The following CNTN5 variants were observed in gnomAD, a reference collection of about 807,000 sequenced individuals.
The protein encoded by CNTN5 is contactin-5.
In CNTN5, 77 loss-of-function variants were observed where a neutral mutation model predicts 129.1. That is an observed-to-expected ratio of 0.60 (90% CI 0.50 to 0.72). The LOEUF (loss-of-function observed/expected upper bound fraction) is 0.72. Among genes scored for constraint, CNTN5 ranks in the 30% least tolerant of loss-of-function variants. The pLI is 0.00. For synonymous variants in CNTN5, 509 were observed against 465.6 expected (o/e 1.09, Z -1.20); for missense variants, 1,478 against 1,328.8 (o/e 1.11, Z -1.75).
intron 3 of CNTN5, among the ~76,000 whole-genome samples, chr11:99,685,451 G>A (rs1053671349): frequency 6.6e-6 from 1 of 151,790 alleles, no homozygotes; most frequent in Non-Finnish European, 1.5e-5. Context: ...CATTAAGAGA[G>A]AAAGTAAAAA....
intron 3 of CNTN5, among the ~76,000 whole-genome samples, chr11:99,649,114 A>C (rs1281140754): frequency 6.6e-6 from 1 of 151,800 alleles, no homozygotes; most frequent in East Asian, 1.9e-4. Context: ...AGTTGTGCTA[A>C]TTACTATACA....
intron 6 of CNTN5, among the ~76,000 whole-genome samples, chr11:99,860,063 T>G (rs1373166897): frequency 2.0e-5 from 3 of 152,190 alleles, no homozygotes; most frequent in Admixed American, 6.5e-5. Context: ...GGTATTTCAT[T>G]GTGATTTTGA....
intron 1 of CNTN5, among the ~76,000 whole-genome samples, chr11:99,306,762 ATAATAATAAT>A (rs1864895536): frequency 6.7e-6 from 1 of 149,238 alleles, no homozygotes; most frequent in Non-Finnish European, 1.5e-5. Flanking sequence ...AATAATAATA[ATAATAATAAT>A]AATAATAATA....
intron 15 of CNTN5, among the ~76,000 whole-genome samples, chr11:100,199,085 C>A (rs1948715241): frequency 6.6e-6 from 1 of 151,872 alleles, no homozygotes; most frequent in Non-Finnish European, 1.5e-5. Flanking sequence ...GGGTATACTG[C>A]CAGTTTACTA....
intron 21 of CNTN5, among the ~76,000 whole-genome samples, chr11:100,324,928 G>A (rs190770213): frequency 6.6e-6 from 1 of 152,062 alleles, no homozygotes; most frequent in African/African-American, 2.4e-5. Context: ...AATTACCTCT[G>A]GGCACAAAGT....
chr11:100,004,867 G>A (rs999957659), intron 9 of CNTN5, among the ~76,000 whole-genome samples: 3 of 152,156 alleles, frequency 2.0e-5, no homozygotes. Context: ...GAAAGGATTA[G>A]GAAATTTATA....
intron 1 of CNTN5, among the ~76,000 whole-genome samples, chr11:99,184,098 T>C (rs1858220881): frequency 6.6e-6 from 1 of 152,144 alleles, no homozygotes; most frequent in Non-Finnish European, 1.5e-5. Context: ...ACTGTTTTCC[T>C]AATCTCAATT....
chr11:100,130,942 A>G (rs917747600), intron 13 of CNTN5, among the ~76,000 whole-genome samples: 7 of 152,088 alleles, frequency 4.6e-5, no homozygotes, highest in African/African-American at 1.4e-4. Flanking sequence ...CCAATAAACA[A>G]TGGCTTTTCA....
At chr11:100,313,994 A>C (rs1215168969) in intron 21 of CNTN5, among the ~76,000 whole-genome samples, 2 of 152,112 alleles carry the variant, frequency 1.3e-5, no homozygotes, top group Admixed American at 6.6e-5. Flanking sequence ...CAAATAAATA[A>C]TCAATATCCC....
chr11:99,876,738 A>C (rs868348229), intron 6 of CNTN5, among the ~76,000 whole-genome samples: 37 of 152,178 alleles, frequency 2.4e-4, no homozygotes, highest in African/African-American at 8.9e-4. Context: ...ACCTTGTAGC[A>C]ATCCTGAACA....
rs376642954 is a variant in CNTN5 at position 100,350,697 on chromosome 11, C to T, written c.3031-5C>T. The T allele has an allele frequency of 3.8e-6, 6 of 1,597,828 alleles. No homozygotes were observed. The highest frequency in any genetic ancestry group is 1.7e-4 in the Middle Eastern group (1 of 5,970). ...CAAATGTCTAAACCTTGTTATTACT[C>T]TCAGGTTTTTTATAGGCAAGAGGGT... is the stretch of plus-strand genomic sequence containing the variant. On this transcript the variant is annotated splice_polypyrimidine_tract_variant and splice_region_variant and intron_variant, in intron 23 of 24. Coordinates refer to ENST00000524871, the MANE Select transcript of CNTN5 (RefSeq NM_014361.4).
chr11:100,327,501 G>A (rs1347585282), intron 21 of CNTN5, among the ~76,000 whole-genome samples: 1 of 152,094 alleles, frequency 6.6e-6, no homozygotes, highest in African/African-American at 2.4e-5. Context: ...ACCAGCCCCT[G>A]CCCACGGAGT....
chr11:99,764,819 A>C (rs1478250857), intron 3 of CNTN5, among the ~76,000 whole-genome samples: 4 of 152,202 alleles, frequency 2.6e-5, no homozygotes, highest in Admixed American at 2.0e-4. Flanking sequence ...TGGACTATCC[A>C]GATTTCACGT....
chr11:100,251,503 A>G (rs1467554198), intron 16 of CNTN5, among the ~76,000 whole-genome samples: 1 of 152,158 alleles, frequency 6.6e-6, no homozygotes, highest in African/African-American at 2.4e-5. Context: ...AGTGGTCTAT[A>G]GCCCTAGAAC....
intron 3 of CNTN5, among the ~76,000 whole-genome samples, chr11:99,563,223 A>G (rs1948897240): frequency 6.6e-6 from 1 of 152,196 alleles, no homozygotes; most frequent in African/African-American, 2.4e-5. Flanking sequence ...TTTTCTTTTA[A>G]TGATAGTAAT....
chr11:99,553,397 T>G lies in CNTN5; in HGVS notation c.-70-2748T>G, dbSNP rs183428146. Reference sequence around the variant, plus strand: ...AACCTTGCATCTAGTAGGAACCTAATATATGTGTAATTAATTATATTGTCA... The same window carrying G: ...AACCTTGCATCTAGTAGGAACCTAAGATATGTGTAATTAATTATATTGTCA... On this transcript the variant is annotated intron_variant, in intron 2 of 24. Transcript: ENST00000524871. Among the ~76,000 whole-genome samples the G allele has an allele frequency of 1.7e-3, 263 of 152,226 alleles. 1 individual carries two copies. The highest frequency in any genetic ancestry group is 5.9e-3 in the African/African-American group (244 of 41,544).
intron 6 of CNTN5, among the ~76,000 whole-genome samples, chr11:99,859,285 C>T (rs377427157): frequency 3.3e-5 from 5 of 152,302 alleles, no homozygotes; most frequent in East Asian, 1.9e-4. Context: ...CTGAACTTAA[C>T]GTATGTAATA....
At chr11:99,685,503 A>G (rs983820553) in intron 3 of CNTN5, among the ~76,000 whole-genome samples, 8 of 151,914 alleles carry the variant, frequency 5.3e-5, no homozygotes, top group African/African-American at 1.9e-4. Flanking sequence ...ATTTTTGTCA[A>G]TTTCAGCTTT....
intron 9 of CNTN5, among the ~76,000 whole-genome samples, chr11:100,029,921 A>G (rs1941623553): frequency 6.6e-6 from 1 of 152,196 alleles, no homozygotes; most frequent in South Asian, 2.1e-4. Context: ...TTAAAAATGT[A>G]GAGTATTAAG....
Sources: gnomAD v4.1 joint callset for allele counts (sites outside exome capture counted in the v4.1 genomes callset) on GRCh38, gnomAD v4.1.1 for gene constraint, MANE v1.5 for transcripts, NCBI Gene and HGNC (gene_info 2026-07-23, HGNC 2026-07-21) for gene names.